The following P3H1 variants were observed in gnomAD, a reference collection of about 807,000 sequenced individuals.
P3H1 encodes prolyl 3-hydroxylase 1.
Under a neutral mutation model 84.0 loss-of-function variants are expected in P3H1, and 69 were observed. The observed-to-expected ratio is 0.82, with a 90% CI of 0.68 to 1.00. The LOEUF is 1.00. Among genes scored for constraint, P3H1 ranks in the 50% least tolerant of loss-of-function variants. The pLI, the probability that P3H1 is intolerant of heterozygous loss-of-function variation, is 0.00. For synonymous variants in P3H1, 366 were observed against 388.8 expected, an observed-to-expected ratio of 0.94 and a Z score of 0.69; for missense variants, 878 against 962.8, an observed-to-expected ratio of 0.91 and a Z score of 1.17.
chr1:42,748,200 C>A lies in P3H1; in HGVS notation c.1838G>T (p.Ser613Ile). The A allele has an allele frequency of 6.2e-7, 1 of 1,610,838 alleles. No homozygotes were observed. Among genetic ancestry groups the A allele is most frequent in the Non-Finnish European group, 8.5e-7 (1 of 1,177,594 alleles). The part of the protein sequence containing the change: ...EPPAYTFRDY[S>I]AILYLNGDFD... ...CACCCTGCACCTGCCCCGCACTCAC[C>A]TGTAGTCGCGGAAGGTGTAGGCTGG... Residue 613 changes from serine to isoleucine, a missense_variant and splice_region_variant, in exon 12 of 15, where the codon AGC becomes ATC. By Grantham distance (142) the Ser-to-Ile change is moderately radical (BLOSUM62 -2). Coordinates refer to ENST00000296388, the MANE Select transcript of P3H1 (RefSeq NM_022356.4).
chr1:42,766,837 G>A lies in P3H1; in HGVS notation c.135C>T (p.Ala45=). 2 of 1,605,194 alleles carry A rather than the reference G, an allele frequency of 1.2e-6. No individual in the cohort carries two copies. The highest frequency in any genetic ancestry group is 1.7e-6 in the Non-Finnish European group (2 of 1,179,776). Residue 45 remains alanine, a synonymous_variant, in exon 1 of 15, where the codon GCC becomes GCT. Coordinates refer to ENST00000296388, the MANE Select transcript of P3H1 (RefSeq NM_022356.4). ...CCCCGGGCCAGTCCCCGCGCGCGTA[G>A]GCTGCGGTCCCCTCGGCGAAGAGCA... The part of the protein sequence containing the change: ...PDLLFAEGTA[A]YARGDWPGVV...
intron 2 of P3H1, 190 bp downstream of exon 2, chr1:42,762,133 A>G: frequency 1.7e-6 from 1 of 585,810 alleles, no homozygotes; most frequent in East Asian, 2.9e-5. Flanking sequence ...AAAAAAAACA[A>G]AAGAATGCAT....
rs751769980 is a variant in P3H1, at chr1:42,766,996, G to A, written c.-25C>T. On this transcript the variant is annotated 5_prime_UTR_variant, in exon 1 of 15. Transcript: ENST00000296388. ...TCGCTCCCTCAGACCTAACGGAACCGCCAGCCACCCGCCACCAAGGCCGGA... is the reference window on the plus strand; with the variant it reads ...TCGCTCCCTCAGACCTAACGGAACCACCAGCCACCCGCCACCAAGGCCGGA... The A allele has an allele frequency of 9.4e-6, 15 of 1,600,814 alleles. No homozygotes were observed. Among genetic ancestry groups the A allele is most frequent in the African/African-American group, 5.3e-5 (4 of 74,846 alleles).
Position 42,746,424 on chromosome 1 carries a change from A to G in P3H1, c.*273T>C, listed in dbSNP as rs1651709939. On this transcript the variant is annotated 3_prime_UTR_variant, in exon 15 of 15. Coordinates refer to ENST00000296388, the MANE Select transcript of P3H1 (RefSeq NM_022356.4). ...CTTTGGTTGTCTACACAGACACTTA[A>G]GTACTGTATCGCTGTCATGCAGCGG... 1 of 522,208 alleles carries G rather than the reference A, an allele frequency of 1.9e-6. No homozygotes were observed. The highest frequency in any genetic ancestry group is 3.4e-6 in the Non-Finnish European group (1 of 291,398). 32.3% of individuals were successfully genotyped at this position (522,208 alleles called of 1,614,324 possible).
intron 5 of P3H1, among the ~76,000 whole-genome samples, chr1:42,756,178 C>T (rs956659212): frequency 2.6e-5 from 4 of 152,174 alleles, no homozygotes; most frequent in African/African-American, 9.7e-5. Context: ...GACCTACAGT[C>T]AAACCCAGGT....
In P3H1 at chr1:42,764,545, A is replaced by G. The variant is rs556095397; in HGVS notation, c.465+1962T>C. Among the ~76,000 whole-genome samples the G allele has an allele frequency of 5.9e-5, 9 of 152,178 alleles. No individual in the cohort carries two copies. In the South Asian group the frequency reaches 1.9e-3, roughly 32 times the overall value. On this transcript the variant is annotated intron_variant, in intron 1 of 14. Coordinates refer to ENST00000296388, the MANE Select transcript of P3H1 (RefSeq NM_022356.4). The stretch of plus-strand genomic sequence containing the variant: ...TACTTAAAGTTTACTTTCTAAACTC[A>G]GTTTCCCTAATCTATCATCTGGAGA...
At position 42,758,998 on chromosome 1, in the gene P3H1, A is replaced by G. The variant is rs1416900747; in HGVS notation, c.809-15T>C. On this transcript the variant is annotated splice_polypyrimidine_tract_variant and intron_variant, in intron 3 of 14. Coordinates refer to ENST00000296388, the MANE Select transcript of P3H1 (RefSeq NM_022356.4). ...GATGTAATGATCTGAAAGGAATCAAACAGAAGGAATAACTATGAGGTCACT... is the reference window on the plus strand; with the variant it reads ...GATGTAATGATCTGAAAGGAATCAAGCAGAAGGAATAACTATGAGGTCACT... 6.2e-7 allele frequency: 1 copy of G among 1,614,024 alleles called. No individual in the cohort carries two copies. The highest frequency in any genetic ancestry group is 2.2e-5 in the East Asian group (1 of 44,898).
In P3H1 at chr1:42,750,660, G is replaced by C. The variant is rs1280298492; in HGVS notation, c.1570-324C>G. Among the ~76,000 whole-genome samples, 46 of 127,026 alleles carry C rather than the reference G, an allele frequency of 3.6e-4. 10 individuals carry two copies. The East Asian group carries it at 7.8e-3, about 21-fold the overall frequency. The allele number at this position is 127,026 out of a possible 152,430, so 83.3% of individuals were successfully genotyped here. A position where few individuals can be genotyped will look rare whatever the true frequency, so the allele number is the denominator to read the frequency against. On this transcript the variant is annotated intron_variant, in intron 10 of 14. Coordinates refer to ENST00000296388, the MANE Select transcript of P3H1 (RefSeq NM_022356.4). ...GTCCGGGAGGGAGGCCGGGGGGGGT[G>C]GTCGGCCAGCCGCCCCGTCCGGGAG...
intron 10 of P3H1, among the ~76,000 whole-genome samples, chr1:42,750,931 T>C (rs1652032911): frequency 7.8e-6 from 1 of 128,298 alleles, no homozygotes; most frequent in African/African-American, 3.0e-5. Context: ...AGCCGCCCCG[T>C]CCGGGAGGGT....
chr1:42,763,098 T>C (rs997548140), intron 1 of P3H1, among the ~76,000 whole-genome samples: 2 of 150,624 alleles, frequency 1.3e-5, no homozygotes, highest in African/African-American at 4.9e-5. Context: ...AAAAAAAAAA[T>C]ACATATATAT....
At chr1:42,755,057 A>G (rs1652317662) in intron 7 of P3H1, 67 bp from the exon 8 acceptor site, 1 of 1,613,720 alleles carries the variant, frequency 6.2e-7, no homozygotes, top group African/African-American at 1.3e-5. Context: ...CGACTTCCCA[A>G]ACTGGACCTG....
intron 1 of P3H1, 143 bp downstream of exon 1, chr1:42,766,364 C>T (rs1652996565): frequency 6.8e-6 from 5 of 735,208 alleles, no homozygotes; most frequent in South Asian, 1.7e-5. Flanking sequence ...CAGCTCTCCC[C>T]GGCTCCGAGG....
intron 1 of P3H1, among the ~76,000 whole-genome samples, chr1:42,764,423 C>CAA (rs769981372): frequency 7.7e-4 from 65 of 84,820 alleles, no homozygotes; most frequent in African/African-American, 2.0e-3. Flanking sequence ...GACTCCATCT[C>CAA]AAAAAAAAAA....
At chr1:42,747,146 C>T (rs1212187134) in intron 14 of P3H1, 126 bp downstream of exon 14, 2 of 1,614,046 alleles carry the variant, frequency 1.2e-6, no homozygotes, top group Admixed American at 1.7e-5. Context: ...AGCTGGTGTC[C>T]CAAGTGCTCC....
In P3H1 at chr1:42,747,807, G is replaced by A. The variant is rs779359787; in HGVS notation, c.1839-9C>T. The stretch of plus-strand genomic sequence containing the variant: ...TTAGGTAAAGGATGGCGCTGGGAAA[G>A]GCAGAGACATCTCATCATGGCCCTT... On this transcript the variant is annotated splice_polypyrimidine_tract_variant and intron_variant, in intron 12 of 14. Coordinates refer to ENST00000296388, the MANE Select transcript of P3H1 (RefSeq NM_022356.4). 3.1e-6 allele frequency: 5 copies of A among 1,613,800 alleles called. No homozygotes were observed. The African/African-American group carries it at 4.0e-5, about 13-fold the overall frequency.
chr1:42,766,518 C>A lies in P3H1; in HGVS notation c.454G>T (p.Ala152Ser). ...AGGCAGGTCTGCACCTTGAAGTAGG[C>A]GACCTGCAGGTAGTTGTAGGGGCTC... ...KRSPYNYLQV[A>S]YFKINKLEKA... Residue 152 changes from alanine (A) to serine (S), a missense_variant, in exon 1 of 15, where the codon GCC becomes TCC. Ala to Ser is a moderately conservative substitution (Grantham distance 99). Coordinates refer to ENST00000296388, the MANE Select transcript of P3H1 (RefSeq NM_022356.4). The A allele has an allele frequency of 6.2e-7, 1 of 1,610,704 alleles. No individual in the cohort carries two copies. The highest frequency in any genetic ancestry group is 8.5e-7 in the Non-Finnish European group (1 of 1,178,872).
At chr1:42,748,802 T>C (rs1651872070) in intron 11 of P3H1, 1 of 257,208 alleles carries the variant, frequency 3.9e-6, no homozygotes, top group Non-Finnish European at 7.8e-6. Context: ...GGAGAAACCA[T>C]GCAGGGAGAA....
chr1:42,763,182 G>A (rs1389386170), intron 1 of P3H1, among the ~76,000 whole-genome samples: 2 of 151,928 alleles, frequency 1.3e-5, no homozygotes, highest in African/African-American at 4.8e-5. Context: ...AGAGAAAAAA[G>A]AGCAGCTAAC....
At chr1:42,762,168 G>A in intron 2 of P3H1, 155 bp downstream of exon 2, 1 of 712,012 alleles carries the variant, frequency 1.4e-6, no homozygotes. Context: ...CTACTCAGGA[G>A]GCCGAGACTA....
Sources: gnomAD v4.1 joint callset for allele counts (sites outside exome capture counted in the v4.1 genomes callset) on GRCh38, gnomAD v4.1.1 for gene constraint, MANE v1.5 for transcripts, NCBI Gene and HGNC (gene_info 2026-07-23, HGNC 2026-07-21) for gene names.